FER1L6: variants seen among roughly 807,000 people sequenced by gnomAD.
FER1L6 encodes the protein fer-1-like protein 6.
A neutral mutation model predicts 219.2 loss-of-function variants in FER1L6; 177 were observed. The ratio of observed to expected loss-of-function variants is 0.81; its 90% CI spans 0.71 to 0.91. The LOEUF is 0.91. FER1L6 is among the 40% of genes least tolerant of loss of function. The pLI, the probability that FER1L6 is intolerant of heterozygous loss-of-function variation, is 0.00. For missense variants in FER1L6, 2,153 were observed against 2,259.9 expected (o/e 0.95, Z 0.96); for synonymous variants, 768 against 824.3 (o/e 0.93, Z 1.17).
intron 1 of FER1L6, among the ~76,000 whole-genome samples, chr8:123,913,851 A>C (rs913459437): frequency 1.2e-4 from 18 of 152,066 alleles, no homozygotes; most frequent in Admixed American, 2.0e-4. Flanking sequence ...AAAAAAAAAA[A>C]CTAAAATACA....
At chr8:124,090,581 A>T (rs7817244) in intron 33 of FER1L6, among the ~76,000 whole-genome samples, 5,268 of 152,300 alleles carry the variant, frequency 0.035, 305 homozygotes, top group African/African-American at 0.12. Flanking sequence ...TAATGTGGGA[A>T]AACTACTTGA....
chr8:124,014,045 T>A (rs1158996181), intron 15 of FER1L6, among the ~76,000 whole-genome samples: 1 of 152,130 alleles, frequency 6.6e-6, no homozygotes, highest in African/African-American at 2.4e-5. Flanking sequence ...CTCCTCTCTC[T>A]GAAGGCTCAC....
Position 123,868,482 on chromosome 8 carries a change from A to T in FER1L6, c.-8+16297A>T, listed in dbSNP as rs533049872. ...AGCATTTTCCCTGATCATTTTATTTATGATAATTATGGCTCATTTCTTTAT... is the reference window on the plus strand; with the variant it reads ...AGCATTTTCCCTGATCATTTTATTTTTGATAATTATGGCTCATTTCTTTAT... On this transcript the variant is annotated intron_variant, in intron 1 of 40. Coordinates refer to ENST00000522917, the MANE Select transcript of FER1L6 (RefSeq NM_001039112.2). 2.0e-5 allele frequency among the ~76,000 whole-genome samples: 3 copies of T among 152,282 alleles called. No individual in the cohort carries two copies. The South Asian group carries it at 6.2e-4, about 32-fold the overall frequency.
Position 124,010,649 on chromosome 8 carries a change from T to C in FER1L6, c.1756T>C (p.Ser586Pro), listed in dbSNP as rs1437430725. The stretch of plus-strand genomic sequence containing the variant: ...GAAGCCCTGTGTCTATTTCATCAGC[T>C]CTTGGGGAGACCAGACCTTCAGGCT... ...AKKPCVYFIS[S>P]WGDQTFRLHW... Residue 586 changes from serine (S) to proline (P), a missense_variant, in exon 14 of 41, where the codon TCT becomes CCT. Coordinates refer to ENST00000522917, the MANE Select transcript of FER1L6 (RefSeq NM_001039112.2). 2 of 1,613,988 alleles carry C rather than the reference T, an allele frequency of 1.2e-6. No homozygotes were observed. Among genetic ancestry groups the C allele is most frequent in the Non-Finnish European group, 1.7e-6 (2 of 1,180,000 alleles).
At position 124,041,164 on chromosome 8, in the gene FER1L6, G is replaced by T. The variant is rs186807141; in HGVS notation, c.2589+1158G>T. ...CATCTCAGGGAGTTAAGCACCATGG[G>T]TTAGCACACACAGTGCCCTAAGGTT... On this transcript the variant is annotated intron_variant, in intron 20 of 40. Transcript: ENST00000522917. 3.6e-3 allele frequency among the ~76,000 whole-genome samples: 547 copies of T among 152,268 alleles called. 5 individuals carry two copies. Among genetic ancestry groups the T allele is most frequent in the African/African-American group, 0.012 (517 of 41,512 alleles).
chr8:123,885,809 G>A (rs970239836), intron 1 of FER1L6, among the ~76,000 whole-genome samples: 1 of 152,182 alleles, frequency 6.6e-6, no homozygotes. Flanking sequence ...CCAGGTGCAA[G>A]TAATTTCCCA....
At chr8:124,060,983 T>C (rs1420458862) in intron 24 of FER1L6, among the ~76,000 whole-genome samples, 1 of 152,198 alleles carries the variant, frequency 6.6e-6, no homozygotes, top group African/African-American at 2.4e-5. Flanking sequence ...CAGCATCACC[T>C]GAGAACTTGT....
At position 123,853,280 on chromosome 8, in the gene FER1L6, G is replaced by C. The variant is rs1816556249; in HGVS notation, c.-8+1095G>C. 6.6e-6 allele frequency among the ~76,000 whole-genome samples: 1 copy of C among 152,132 alleles called. No homozygotes were observed. Among genetic ancestry groups the C allele is most frequent in the South Asian group, 2.1e-4 (1 of 4,822 alleles). ...AGTGAGTCTCGTGCCTCAGGCTCCA[G>C]AATAGCTGGGATTACAGGTGCTTGC... is the stretch of plus-strand genomic sequence containing the variant. On this transcript the variant is annotated intron_variant, in intron 1 of 40. Coordinates refer to ENST00000522917, the MANE Select transcript of FER1L6 (RefSeq NM_001039112.2). This position sits in a 1 kb window ranked among gnomAD's most constrained non-coding sequence, Gnocchi z 6.6.
At chr8:123,968,546 C>G (rs1815660366) in intron 5 of FER1L6, among the ~76,000 whole-genome samples, 1 of 152,144 alleles carries the variant, frequency 6.6e-6, no homozygotes, top group Admixed American at 6.5e-5. Context: ...CTCATTTGTC[C>G]ATCCAAAGGA....
chr8:123,891,056 GTGT>G (rs1376612882), intron 1 of FER1L6, among the ~76,000 whole-genome samples: 1 of 152,092 alleles, frequency 6.6e-6, no homozygotes, highest in Non-Finnish European at 1.5e-5. Context: ...TAATTTAGTT[GTGT>G]TCATCATTAT....
rs540795197 is a variant in FER1L6 at position 124,079,824 on chromosome 8, G to T, written c.4221-2464G>T. Among the ~76,000 whole-genome samples, 23 of 152,302 alleles carry T rather than the reference G, an allele frequency of 1.5e-4. No individual in the cohort carries two copies. In the South Asian group the frequency reaches 4.6e-3, roughly 30 times the overall value. ...CTGGTTGGGAAAATGGCTAAGATTAGAAGTTCTGCAGATCTGGAGCAGGGA... is the reference window on the plus strand; with the variant it reads ...CTGGTTGGGAAAATGGCTAAGATTATAAGTTCTGCAGATCTGGAGCAGGGA... On this transcript the variant is annotated intron_variant, in intron 32 of 40. Transcript: ENST00000522917.
chr8:123,981,807 A>T (rs1014725748), intron 11 of FER1L6, among the ~76,000 whole-genome samples: 1 of 152,210 alleles, frequency 6.6e-6, no homozygotes, highest in Admixed American at 6.5e-5. Context: ...ACAAAATGAA[A>T]TAGTTAATAA....
chr8:123,957,086 C>T (rs113086026), intron 2 of FER1L6, among the ~76,000 whole-genome samples: 9 of 152,254 alleles, frequency 5.9e-5, no homozygotes, highest in South Asian at 2.1e-4. Context: ...AAAATGGTAC[C>T]GTGGGTCTCG....
chr8:123,917,660 A>G (rs755369502), intron 1 of FER1L6, among the ~76,000 whole-genome samples: 13 of 152,260 alleles, frequency 8.5e-5, no homozygotes, highest in Non-Finnish European at 1.6e-4. Flanking sequence ...GTGTAAAGAC[A>G]AAAAGTAAAA....
intron 40 of FER1L6, among the ~76,000 whole-genome samples, chr8:124,119,219 G>C (rs2131056027): frequency 6.6e-6 from 1 of 152,318 alleles, no homozygotes; most frequent in East Asian, 1.9e-4. Flanking sequence ...AGACTCCGTA[G>C]TTTCAAAAGG....
intron 12 of FER1L6, among the ~76,000 whole-genome samples, chr8:123,999,788 C>T (rs767018131): frequency 1.6e-4 from 24 of 152,118 alleles, no homozygotes; most frequent in Non-Finnish European, 2.9e-4. Flanking sequence ...AAGACAAGGT[C>T]GTCTTTACTC....
intron 1 of FER1L6, among the ~76,000 whole-genome samples, chr8:123,946,915 C>T (rs1359537698): frequency 6.6e-6 from 1 of 152,084 alleles, no homozygotes; most frequent in Non-Finnish European, 1.5e-5. Context: ...GTACTAGGGC[C>T]TAGTGCAGTG....
At chr8:123,914,357 C>T (rs1354466540) in intron 1 of FER1L6, among the ~76,000 whole-genome samples, 1 of 152,126 alleles carries the variant, frequency 6.6e-6, no homozygotes, top group Non-Finnish European at 1.5e-5. Flanking sequence ...TTGGCTCTGT[C>T]ATTGACGGGG....
chr8:123,871,345 A>G (rs1206088978), intron 1 of FER1L6, among the ~76,000 whole-genome samples: 2 of 152,146 alleles, frequency 1.3e-5, no homozygotes, highest in African/African-American at 4.8e-5. Flanking sequence ...TTCTTCAATA[A>G]AAGAAACCAG....
Sources: allele counts gnomAD v4.1 joint callset (sites outside exome capture counted in the v4.1 genomes callset), GRCh38; gene constraint gnomAD v4.1.1; non-coding constraint Gnocchi (gnomAD v3.1); transcripts MANE v1.5; gene names NCBI Gene and HGNC (gene_info 2026-07-23, HGNC 2026-07-21).